Variants in GBP4 observed in about 807,000 individuals in gnomAD.
The protein encoded by GBP4 is guanylate-binding protein 4.
GBP4 carries 69 observed loss-of-function variants against 62.2 expected under a neutral mutation model. The ratio of observed to expected loss-of-function variants is 1.11; its 90% confidence interval spans 0.91 to 1.36. The LOEUF (loss-of-function observed/expected upper bound fraction) is 1.36, where lower values mean the gene tolerates loss of function less well. Among genes scored for constraint, GBP4 ranks in the 40% most tolerant of loss-of-function variants. The pLI is 0.00. For missense variants in GBP4, 697 were observed against 759.3 expected (o/e 0.92, Z 0.96); for synonymous variants, 278 against 274.6 (o/e 1.01, Z -0.12).
chr1:89,189,944 C>T, intron 7 of GBP4, 94 bp downstream of exon 7: 2 of 1,201,482 alleles, frequency 1.7e-6, no homozygotes, highest in East Asian at 2.4e-5. Flanking sequence ...GGTCTTTCCA[C>T]AGTGGTAAGG....
At chr1:89,186,718 A>T (rs1648048174) in intron 9 of GBP4, among the ~76,000 whole-genome samples, 192 bp from the exon 10 acceptor site, 1 of 152,124 alleles carries the variant, frequency 6.6e-6, no homozygotes. Flanking sequence ...TGGAGGTTCA[A>T]CCCCAATCTC....
rs764266996 is a variant in GBP4, at chr1:89,187,058, T to C, written c.1455A>G (p.Val485=). 3.1e-6 allele frequency: 5 copies of C among 1,614,176 alleles called. No individual in the cohort carries two copies. The highest frequency in any genetic ancestry group is 4.2e-6 in the Non-Finnish European group (5 of 1,180,012). Residue 485 remains valine (V), a synonymous_variant, in exon 9 of 11, where the codon GTA becomes GTG. Transcript: ENST00000355754. The part of the protein sequence containing the change: ...LQNFLQSQVV[V]EESILQSDKA... Reference sequence around the variant, plus strand: ...TGTCTGACTGCAGGATGGATTCCTCTACAACCACCTGTGACTGCAGGAAGT... The same window carrying C: ...TGTCTGACTGCAGGATGGATTCCTCCACAACCACCTGTGACTGCAGGAAGT...
At chr1:89,196,278 ACTT>A (rs1262087602) in intron 2 of GBP4, among the ~76,000 whole-genome samples, 1 of 152,208 alleles carries the variant, frequency 6.6e-6, no homozygotes, top group Admixed American at 6.5e-5. Flanking sequence ...AAACTTATAA[ACTT>A]CTTATTGAGC....
chr1:89,188,698 G>C lies in GBP4; in HGVS notation c.1294C>G (p.Leu432Val), dbSNP rs577631233. The change falls in exon 8 of 11, where the codon CTG (leucine) becomes GTG (valine). Residue 432 changes from leucine (L) to valine (V), a missense_variant. Leu to Val is a conservative substitution (Grantham distance 32). Around this residue, in one of 2 missense-constraint regions of GBP4, gnomAD observed 556 missense variants for 562.7 expected, o/e 0.99. Coordinates refer to ENST00000355754, the MANE Select transcript of GBP4 (RefSeq NM_052941.5). ...ATTCCTCTCAAAATGCTTTCTGTCA[G>C]GTGCTCTGAAAGCCGCTTAAGCTCA... Reference protein sequence around the residue: ...QAELKRLSEHLTESILRGIFS... With the variant: ...QAELKRLSEHVTESILRGIFS... The C allele has an allele frequency of 6.2e-7, 1 of 1,614,196 alleles. No individual in the cohort carries two copies. Among genetic ancestry groups the C allele is most frequent in the East Asian group, 2.2e-5 (1 of 44,882 alleles).
Position 89,182,853 on chromosome 1 carries a change from CTTG to C in GBP4, c.*2398_*2400del, listed in dbSNP as rs1360339708. On this transcript the variant is annotated 3_prime_UTR_variant, in exon 11 of 11. Coordinates refer to ENST00000355754, the MANE Select transcript of GBP4 (RefSeq NM_052941.5). ...GGCTGCCTGTCTTTGGTTTTACTTC[CTTG>C]TTGTTTTTTCTTAAAACAGGTACTG... 1 of 152,114 alleles carries C rather than the reference CTTG, an allele frequency of 6.6e-6. No individual in the cohort carries two copies. 9.4% of individuals were successfully genotyped at this position (152,114 alleles called of 1,614,324 possible).
rs889157452 is a variant in GBP4 at position 89,182,393 on chromosome 1, G to A, written c.*2861C>T. 2.0e-5 allele frequency: 3 copies of A among 151,888 alleles called. No individual in the cohort carries two copies. The highest frequency in any genetic ancestry group is 6.6e-5 in the Admixed American group (1 of 15,246). The allele number at this position is 151,888 out of a possible 1,614,324, so 9.4% of individuals were successfully genotyped here. ...GGCTGCATGCACTGGTGGTCAGAGA[G>A]AAACAGAACAAGGCAGTGAGTTTCC... is the stretch of plus-strand genomic sequence containing the variant. On this transcript the variant is annotated 3_prime_UTR_variant, in exon 11 of 11. Transcript: ENST00000355754.
Position 89,185,076 on chromosome 1 carries a change from T to A in GBP4, c.*178A>T, listed in dbSNP as rs1003602886. 3 of 484,658 alleles carry A rather than the reference T, an allele frequency of 6.2e-6. No homozygotes were observed. The highest frequency in any genetic ancestry group is 5.3e-4 in the Middle Eastern group (1 of 1,872). The allele number at this position is 484,658 out of a possible 1,614,324, so 30.0% of individuals were successfully genotyped here. ...TATAAATTATTAGTTCAATCAAAATTAAGTTTGTTTTTTGTGGATGTCAGG... is the reference window on the plus strand; with the variant it reads ...TATAAATTATTAGTTCAATCAAAATAAAGTTTGTTTTTTGTGGATGTCAGG... On this transcript the variant is annotated 3_prime_UTR_variant, in exon 11 of 11. Coordinates refer to ENST00000355754, the MANE Select transcript of GBP4 (RefSeq NM_052941.5).
intron 6 of GBP4, among the ~76,000 whole-genome samples, chr1:89,190,812 G>A (rs574600881): frequency 2.0e-4 from 31 of 152,090 alleles, no homozygotes; most frequent in African/African-American, 7.5e-4. Context: ...ACCATAGGGA[G>A]TGGACGACTA....
chr1:89,190,654 T>C (rs1483617216), intron 6 of GBP4, among the ~76,000 whole-genome samples: 4 of 152,068 alleles, frequency 2.6e-5, no homozygotes, highest in Admixed American at 2.6e-4. Flanking sequence ...AAGTAAGTTA[T>C]ATAATTTGTG....
In GBP4 at chr1:89,191,517, G is replaced by A. The variant is rs138029071; in HGVS notation, c.671-11C>T. 517 of 1,608,068 alleles carry A rather than the reference G, an allele frequency of 3.2e-4. 3 individuals carry two copies. In the African/African-American group the frequency reaches 6.1e-3, roughly 19 times the overall value. ...TTTTGGGATTCTTGCCTGTGGAATTGTAAAAAAGAGGGCTCATTGAAGAGA... is the reference window on the plus strand; with the variant it reads ...TTTTGGGATTCTTGCCTGTGGAATTATAAAAAAGAGGGCTCATTGAAGAGA... On this transcript the variant is annotated splice_polypyrimidine_tract_variant and intron_variant, in intron 5 of 10. Coordinates refer to ENST00000355754, the MANE Select transcript of GBP4 (RefSeq NM_052941.5).
At position 89,182,632 on chromosome 1, in the gene GBP4, C is replaced by G. The variant is rs565574571; in HGVS notation, c.*2622G>C. The G allele has an allele frequency of 6.6e-6, 1 of 152,216 alleles. No homozygotes were observed. The highest frequency in any genetic ancestry group is 2.1e-4 in the South Asian group (1 of 4,818). 9.4% of individuals were successfully genotyped at this position (152,216 alleles called of 1,614,324 possible). On this transcript the variant is annotated 3_prime_UTR_variant, in exon 11 of 11. Coordinates refer to ENST00000355754, the MANE Select transcript of GBP4 (RefSeq NM_052941.5). ...GTGTAGCTGGGACTACAGGCGCGTG[C>G]CACCATGCCCGGCTAATTTTTGTAT...
intron 8 of GBP4, 147 bp downstream of exon 8, chr1:89,188,435 T>C: frequency 1.4e-6 from 1 of 694,504 alleles, no homozygotes; most frequent in Non-Finnish European, 2.6e-6. Context: ...TCTAACTAAC[T>C]GTGGATTTAA....
At chr1:89,191,598 C>G (rs1648191129) in intron 5 of GBP4, 92 bp from the exon 6 acceptor site, 1 of 1,234,568 alleles carries the variant, frequency 8.1e-7, no homozygotes, top group East Asian at 2.4e-5. Flanking sequence ...ATCCCTGCAG[C>G]TCCCCTGCCT....
intron 3 of GBP4, 79 bp downstream of exon 3, chr1:89,195,218 T>C (rs1648298178): frequency 7.1e-7 from 1 of 1,411,460 alleles, no homozygotes; most frequent in Non-Finnish European, 9.8e-7. Flanking sequence ...TTTACAGAGA[T>C]ATGTACAGAA....
Position 89,198,791 on chromosome 1 carries a change from T to C in GBP4, c.40+4A>G, listed in dbSNP as rs1463011495. 1.2e-6 allele frequency: 2 copies of C among 1,612,966 alleles called. No individual in the cohort carries two copies. Among genetic ancestry groups the C allele is most frequent in the Non-Finnish European group, 1.7e-6 (2 of 1,178,930 alleles). ...TGAAAGGTAAAGCTTAAGAGCAAAC[T>C]TACCTGGTGTGGGCACTGCAGCGTG... On this transcript the variant is annotated splice_donor_region_variant and intron_variant, in intron 1 of 10. Transcript: ENST00000355754.
rs191850171 is a variant in GBP4, at chr1:89,189,933, T to C, written c.1197+105A>G. 2,265 of 1,095,638 alleles carry C rather than the reference T, an allele frequency of 2.1e-3. 12 individuals carry two copies. The highest frequency in any genetic ancestry group is 2.2e-3 in the Non-Finnish European group (1,668 of 760,622). 67.9% of individuals were successfully genotyped at this position (1,095,638 alleles called of 1,614,324 possible). The stretch of plus-strand genomic sequence containing the variant: ...GAGCCCTGTTATTCACAAGAAACCA[T>C]GGTCTTTCCACAGTGGTAAGGAGAT... On this transcript the variant is annotated intron_variant, in intron 7 of 10. Transcript: ENST00000355754.
At chr1:89,191,813 G>T (rs530474986) in intron 5 of GBP4, among the ~76,000 whole-genome samples, 1 of 152,226 alleles carries the variant, frequency 6.6e-6, no homozygotes, top group East Asian at 1.9e-4. Context: ...AAATGTTTTT[G>T]AATGATTAAT....
At chr1:89,198,693 G>A in intron 1 of GBP4, 102 bp downstream of exon 1, 1 of 1,007,408 alleles carries the variant, frequency 9.9e-7, no homozygotes, top group Non-Finnish European at 1.6e-6. Context: ...CCGCCAGTGT[G>A]AAGTCTCCAA....
rs1190272202 is a variant in GBP4 at position 89,197,367 on chromosome 1, C to G, written c.41-63G>C. On this transcript the variant is annotated intron_variant, in intron 1 of 10. Coordinates refer to ENST00000355754, the MANE Select transcript of GBP4 (RefSeq NM_052941.5). ...TCTTGAAGTCATCCCTAAGGGCTAC[C>G]TAAGGCACATACATATTAGCTTTTT... 4 of 1,388,574 alleles carry G rather than the reference C, an allele frequency of 2.9e-6. No homozygotes were observed. The African/African-American group carries it at 4.3e-5, about 15-fold the overall frequency. 86.0% of individuals were successfully genotyped at this position (1,388,574 alleles called of 1,614,324 possible).
Sources: allele counts gnomAD v4.1 joint callset (sites outside exome capture counted in the v4.1 genomes callset), GRCh38; gene constraint gnomAD v4.1.1; regional missense constraint gnomAD v4.1.1; transcripts MANE v1.5; gene names NCBI Gene and HGNC (gene_info 2026-07-23, HGNC 2026-07-21).